KDM4C: variants seen among roughly 807,000 people sequenced by gnomAD.
KDM4C encodes lysine demethylase 4C.
A neutral mutation model predicts 129.3 loss-of-function variants in KDM4C; 81 were observed. The observed-to-expected ratio is 0.63, with a 90% CI of 0.52 to 0.75. The LOEUF (loss-of-function observed/expected upper bound fraction) is 0.75. KDM4C is among the 30% of genes least tolerant of loss of function. The probability of loss-of-function intolerance (pLI) is 0.00; values close to 1 mark genes in which losing one functional copy is unlikely to be tolerated. For synonymous variants in KDM4C, 573 were observed against 456.1 expected (o/e 1.26, Z -3.26); for missense variants, 1,457 against 1,304.0 (o/e 1.12, Z -1.81).
intron 19 of KDM4C, among the ~76,000 whole-genome samples, chr9:7,141,248 C>G (rs1458265258): frequency 6.6e-6 from 1 of 152,142 alleles, no homozygotes; most frequent in Non-Finnish European, 1.5e-5. Flanking sequence ...GCCAGTAGAA[C>G]CCCTTTCTCA....
chr9:6,771,283 A>G (rs920141706), intron 1 of KDM4C, among the ~76,000 whole-genome samples: 1 of 150,304 alleles, frequency 6.7e-6, no homozygotes, highest in African/African-American at 2.5e-5. Context: ...AATTGTCTTG[A>G]AATATGTTTT....
At chr9:6,925,455 C>A in intron 8 of KDM4C, 1 of 776,842 alleles carries the variant, frequency 1.3e-6, no homozygotes, top group Non-Finnish European at 1.5e-6. Flanking sequence ...TCCCCCTTCC[C>A]CCTCTCCTCC....
chr9:7,101,588 C>G (rs1384426848), intron 17 of KDM4C, among the ~76,000 whole-genome samples: 1 of 152,230 alleles, frequency 6.6e-6, no homozygotes, highest in Non-Finnish European at 1.5e-5. Context: ...GAAGTCCCCA[C>G]TTCTGGTCCT....
Position 7,013,700 on chromosome 9 carries a change from C to T in KDM4C, c.1969-88C>T, listed in dbSNP as rs892186320. On this transcript the variant is annotated intron_variant, in intron 13 of 21. Coordinates refer to ENST00000381309, the MANE Select transcript of KDM4C (RefSeq NM_015061.6). ...AAGAACAAAAGTTAGAAGTTAGTGT[C>T]TGGAACAGGAGTTAGTGGATTTGAG... 3 of 1,241,464 alleles carry T rather than the reference C, an allele frequency of 2.4e-6. No homozygotes were observed. In the African/African-American group the frequency reaches 4.6e-5, roughly 19 times the overall value. The allele number at this position is 1,241,464 out of a possible 1,614,324, so 76.9% of individuals were successfully genotyped here.
At chr9:6,893,346 C>A in intron 8 of KDM4C, 114 bp downstream of exon 8, 3 of 724,932 alleles carry the variant, frequency 4.1e-6, no homozygotes, top group East Asian at 3.0e-5. Flanking sequence ...GCGCCATGTG[C>A]CTCTCACCAC....
intron 8 of KDM4C, among the ~76,000 whole-genome samples, chr9:6,909,644 T>G (rs1444990867): frequency 1.3e-5 from 2 of 152,192 alleles, no homozygotes; most frequent in Non-Finnish European, 2.9e-5. Context: ...CTTTCACTCG[T>G]ATTTTTAACA....
chr9:6,750,237 G>A (rs889246626), intron 1 of KDM4C, among the ~76,000 whole-genome samples: 3 of 151,802 alleles, frequency 2.0e-5, no homozygotes, highest in Non-Finnish European at 1.5e-5. Flanking sequence ...TCAGGAGTTC[G>A]AGACCAGCCT....
intron 12 of KDM4C, among the ~76,000 whole-genome samples, chr9:6,994,525 C>G (rs142070055): frequency 3.8e-4 from 58 of 152,272 alleles, no homozygotes; most frequent in African/African-American, 1.3e-3. Flanking sequence ...ATCTGTCTCC[C>G]CACTCTCATT....
chr9:7,093,644 A>G (rs1392784323), intron 17 of KDM4C, among the ~76,000 whole-genome samples: 1 of 152,212 alleles, frequency 6.6e-6, no homozygotes, highest in Non-Finnish European at 1.5e-5. Flanking sequence ...ACCTCTTGTC[A>G]GAAAAATACT....
intron 6 of KDM4C, among the ~76,000 whole-genome samples, chr9:6,881,229 G>C (rs1039188386): frequency 1.9e-4 from 29 of 152,164 alleles, no homozygotes; most frequent in Non-Finnish European, 5.9e-5. Flanking sequence ...TTACAGAAGA[G>C]TATTAGAAGG....
intron 15 of KDM4C, among the ~76,000 whole-genome samples, chr9:7,044,539 A>G (rs968080346): frequency 1.8e-4 from 27 of 152,134 alleles, no homozygotes; most frequent in Non-Finnish European, 2.2e-4. Context: ...TGGGATTGAC[A>G]GAACTCAGTT....
intron 19 of KDM4C, among the ~76,000 whole-genome samples, chr9:7,132,079 T>C (rs947981028): frequency 1.3e-5 from 2 of 152,252 alleles, no homozygotes; most frequent in African/African-American, 4.8e-5. Context: ...CCTCAGGTAC[T>C]GGTTAACTAG....
intron 8 of KDM4C, among the ~76,000 whole-genome samples, chr9:6,949,960 A>T (rs1827822705): frequency 6.6e-6 from 1 of 151,858 alleles, no homozygotes; most frequent in Non-Finnish European, 1.5e-5. Flanking sequence ...TTAAGGCTCA[A>T]GTATAACTAG....
chr9:7,155,464 C>A (rs966039632), intron 19 of KDM4C, among the ~76,000 whole-genome samples: 1 of 152,050 alleles, frequency 6.6e-6, no homozygotes, highest in Admixed American at 6.6e-5. Context: ...CCCATCAACT[C>A]GTCATTTACA....
intron 4 of KDM4C, among the ~76,000 whole-genome samples, chr9:6,839,116 A>G (rs183501364): frequency 1.3e-5 from 2 of 152,200 alleles, no homozygotes; most frequent in Admixed American, 6.5e-5. Context: ...TTGCCAGCAC[A>G]GTAGTGGAGT....
chr9:7,063,695 T>G (rs1464935321), intron 17 of KDM4C, among the ~76,000 whole-genome samples: 3 of 152,210 alleles, frequency 2.0e-5, no homozygotes, highest in Admixed American at 2.0e-4. Context: ...GTGAAGGACC[T>G]TACTAGATTT....
intron 8 of KDM4C, among the ~76,000 whole-genome samples, chr9:6,978,162 A>T (rs544293713): frequency 1.3e-5 from 2 of 152,300 alleles, no homozygotes; most frequent in South Asian, 4.1e-4. Flanking sequence ...GGAGAAACTG[A>T]GGCACAGAGA....
chr9:7,146,727 T>G (rs923680534), intron 19 of KDM4C, among the ~76,000 whole-genome samples: 3 of 152,220 alleles, frequency 2.0e-5, no homozygotes, highest in Non-Finnish European at 4.4e-5. Flanking sequence ...ACCCATCTAC[T>G]TATTAGCCCT....
chr9:6,964,779 C>T (rs976719529), intron 8 of KDM4C, among the ~76,000 whole-genome samples: 2 of 62,666 alleles, frequency 3.2e-5, no homozygotes, highest in African/African-American at 5.9e-5. Context: ...GAGACTCCGT[C>T]TCAAAAAAAA....
Sources: gnomAD v4.1 joint callset for allele counts (sites outside exome capture counted in the v4.1 genomes callset) on GRCh38, gnomAD v4.1.1 for gene constraint, MANE v1.5 for transcripts, NCBI Gene and HGNC (gene_info 2026-07-23, HGNC 2026-07-21) for gene names.